Variants in NRXN3 observed in about 807,000 individuals in gnomAD.
The protein encoded by NRXN3 is neurexin 3, also known as neurexin III.
A neutral mutation model predicts 137.6 loss-of-function variants in NRXN3; 32 were observed. That is an observed-to-expected ratio of 0.23 (90% CI 0.18 to 0.31). The LOEUF (loss-of-function observed/expected upper bound fraction) is 0.31. Among genes scored for constraint, NRXN3 ranks in the 10% least tolerant of loss-of-function variants. The pLI is 1.00. For missense variants in NRXN3, 1,574 were observed against 2,062.5 expected, an observed-to-expected ratio of 0.76 and a Z score of 4.59; for synonymous variants, 798 against 784.5, an observed-to-expected ratio of 1.02 and a Z score of -0.29.
At chr14:79,548,282 T>G (rs1342724827) in intron 16 of NRXN3, among the ~76,000 whole-genome samples, 1 of 152,182 alleles carries the variant, frequency 6.6e-6, no homozygotes, top group Non-Finnish European at 1.5e-5. Flanking sequence ...AGTGAGAACA[T>G]GCAGTGTTTG....
At chr14:78,301,752 C>T (rs1400277676) in intron 4 of NRXN3, among the ~76,000 whole-genome samples, 2 of 152,130 alleles carry the variant, frequency 1.3e-5, no homozygotes, top group African/African-American at 2.4e-5. Context: ...TTCAGTGACA[C>T]GTCTGTGAGA....
intron 4 of NRXN3, among the ~76,000 whole-genome samples, chr14:78,554,038 C>G (rs2096716854): frequency 6.6e-6 from 1 of 152,020 alleles, no homozygotes; most frequent in Non-Finnish European, 1.5e-5. Flanking sequence ...CTGATGGGAA[C>G]AGATGGCCCA....
Position 79,647,189 on chromosome 14 carries a change from T to C in NRXN3, c.3445-16589T>C, listed in dbSNP as rs555014225. ...GGCAATTTTGTTTTTCTGGCTCTTA[T>C]ATTGCAATGAATATTTTTTATTTGA... On this transcript the variant is annotated intron_variant, in intron 16 of 20. Transcript: ENST00000335750. Among the ~76,000 whole-genome samples, 3 of 136,396 alleles carry C rather than the reference T, an allele frequency of 2.2e-5. No individual in the cohort carries two copies. The South Asian group carries it at 6.8e-4, about 31-fold the overall frequency. 89.5% of individuals were successfully genotyped at this position (136,396 alleles called of 152,430 possible). A position where few individuals can be genotyped will look rare whatever the true frequency, so the allele number is the denominator to read the frequency against.
At chr14:78,717,213 G>T (rs1335010053) in intron 8 of NRXN3, among the ~76,000 whole-genome samples, 2 of 152,146 alleles carry the variant, frequency 1.3e-5, no homozygotes, top group African/African-American at 4.8e-5. Flanking sequence ...AGCTGTACAA[G>T]GTGTCTCTGA....
At chr14:79,665,548 T>C (rs1427885091) in intron 17 of NRXN3, among the ~76,000 whole-genome samples, 1 of 152,136 alleles carries the variant, frequency 6.6e-6, no homozygotes, top group Non-Finnish European at 1.5e-5. Flanking sequence ...AAGCTGTTCA[T>C]AGGCTCATAG....
intron 15 of NRXN3, chr14:79,201,521 C>G (rs945341562): frequency 2.0e-5 from 3 of 152,028 alleles, no homozygotes; most frequent in Admixed American, 1.3e-4. Context: ...GTATTAAAAC[C>G]TCTGAGATTG....
intron 15 of NRXN3, among the ~76,000 whole-genome samples, chr14:79,179,311 T>C (rs753126702): frequency 7.9e-5 from 12 of 152,194 alleles, no homozygotes; most frequent in Non-Finnish European, 8.8e-5. Flanking sequence ...AGAACCAAGA[T>C]TGCAGACTAT....
chr14:78,261,141 C>G (rs183156446), intron 2 of NRXN3, among the ~76,000 whole-genome samples: 2 of 152,148 alleles, frequency 1.3e-5, no homozygotes, highest in African/African-American at 4.8e-5. Flanking sequence ...TCTCTCACCC[C>G]CTATTCAATC....
At chr14:79,356,070 T>C (rs1231671507) in intron 15 of NRXN3, among the ~76,000 whole-genome samples, 1 of 152,150 alleles carries the variant, frequency 6.6e-6, no homozygotes, top group Non-Finnish European at 1.5e-5. Flanking sequence ...TCAAAATTAG[T>C]TTTGTATTTT....
At chr14:78,664,852 T>C (rs1238649671) in intron 6 of NRXN3, among the ~76,000 whole-genome samples, 2 of 152,228 alleles carry the variant, frequency 1.3e-5, no homozygotes, top group Non-Finnish European at 2.9e-5. Flanking sequence ...TCCTGACACA[T>C]GAATAGATGG....
intron 20 of NRXN3, among the ~76,000 whole-genome samples, chr14:79,848,536 G>A (rs994659041): frequency 6.6e-6 from 1 of 152,008 alleles, no homozygotes. Context: ...GTGGCCCAGG[G>A]AAGCCAAAAG....
intron 19 of NRXN3, among the ~76,000 whole-genome samples, chr14:79,709,332 C>T (rs979796781): frequency 6.6e-6 from 1 of 151,970 alleles, no homozygotes; most frequent in Non-Finnish European, 1.5e-5. Context: ...TTTTGTTAAC[C>T]CAAAGTATTA....
chr14:78,899,452 A>G (rs1461440251), intron 10 of NRXN3, among the ~76,000 whole-genome samples: 2 of 152,000 alleles, frequency 1.3e-5, no homozygotes, highest in Non-Finnish European at 2.9e-5. Flanking sequence ...CCACGTGGGC[A>G]CAGAGTAGAT....
intron 16 of NRXN3, among the ~76,000 whole-genome samples, chr14:79,587,382 G>A (rs946779139): frequency 2.6e-5 from 4 of 152,216 alleles, no homozygotes; most frequent in Admixed American, 6.5e-5. Flanking sequence ...ACACATTTCC[G>A]TCAAGGAAGC....
chr14:79,097,816 G>A (rs1012298327), intron 15 of NRXN3, among the ~76,000 whole-genome samples: 2 of 152,096 alleles, frequency 1.3e-5, no homozygotes, highest in South Asian at 2.1e-4. Context: ...CTGATACATA[G>A]GACTCTCTCA....
chr14:78,964,260 T>A (rs2099413390), intron 11 of NRXN3, among the ~76,000 whole-genome samples: 1 of 152,208 alleles, frequency 6.6e-6, no homozygotes, highest in Admixed American at 6.5e-5. Flanking sequence ...AAGGCAAATA[T>A]CATTTTAATT....
intron 15 of NRXN3, among the ~76,000 whole-genome samples, chr14:79,317,487 C>T (rs955707476): frequency 6.6e-6 from 1 of 152,118 alleles, no homozygotes; most frequent in African/African-American, 2.4e-5. Context: ...CTATGTCTAT[C>T]CTACTCCAAT....
chr14:79,067,730 C>A (rs1161028792), intron 15 of NRXN3, among the ~76,000 whole-genome samples: 1 of 152,008 alleles, frequency 6.6e-6, no homozygotes, highest in Non-Finnish European at 1.5e-5. Flanking sequence ...TGAGTCCAGT[C>A]TAATGACCTC....
chr14:79,508,154 A>G lies in NRXN3; in HGVS notation c.3444+40752A>G, dbSNP rs190477084. Reference sequence around the variant, plus strand: ...ACAGTCCAGATTCGTAATCTATTAAATGGGGCTAATAATACCTCATGCATA... The same window carrying G: ...ACAGTCCAGATTCGTAATCTATTAAGTGGGGCTAATAATACCTCATGCATA... On this transcript the variant is annotated intron_variant, in intron 16 of 20. Transcript: ENST00000335750. Among the ~76,000 whole-genome samples the G allele has an allele frequency of 2.6e-5, 4 of 152,210 alleles. No homozygotes were observed. The East Asian group carries it at 7.7e-4, about 29-fold the overall frequency.
Sources: gnomAD v4.1 joint callset for allele counts (sites outside exome capture counted in the v4.1 genomes callset) on GRCh38, gnomAD v4.1.1 for gene constraint, MANE v1.5 for transcripts, NCBI Gene and HGNC (gene_info 2026-07-23, HGNC 2026-07-21) for gene names.